TECPR2: variants seen among roughly 807,000 people sequenced by gnomAD.
TECPR2 encodes tectonin beta-propeller repeat-containing protein 2.
A neutral mutation model predicts 138.1 loss-of-function variants in TECPR2; 65 were observed. The observed-to-expected ratio is 0.47, with a 90% CI of 0.39 to 0.58. The LOEUF is 0.58. Among genes scored for constraint, TECPR2 ranks in the 20% least tolerant of loss-of-function variants. The pLI is 0.00. For synonymous variants in TECPR2, 746 were observed against 749.8 expected, an observed-to-expected ratio of 0.99 and a Z score of 0.08; for missense variants, 1,553 against 1,824.5, an observed-to-expected ratio of 0.85 and a Z score of 2.71.
At chr14:102,492,663 C>G (rs1489256969) in intron 17 of TECPR2, among the ~76,000 whole-genome samples, 1 of 152,156 alleles carries the variant, frequency 6.6e-6, no homozygotes, top group East Asian at 1.9e-4. Flanking sequence ...GCAGGGAGCT[C>G]CCAGGCAGCA....
intron 14 of TECPR2, 105 bp from the exon 15 acceptor site, chr14:102,450,455 C>T: frequency 1.9e-6 from 2 of 1,059,356 alleles, no homozygotes; most frequent in Non-Finnish European, 2.8e-6. Flanking sequence ...CTAGAATTAT[C>T]TGGAGAAAGG....
intron 5 of TECPR2, among the ~76,000 whole-genome samples, chr14:102,418,969 C>T (rs546614903): frequency 6.6e-6 from 1 of 152,036 alleles, no homozygotes; most frequent in Non-Finnish European, 1.5e-5. Flanking sequence ...GGAGATGGAA[C>T]AGCCTGCTGT....
At chr14:102,479,331 T>A (rs1052499196) in intron 17 of TECPR2, among the ~76,000 whole-genome samples, 2 of 152,168 alleles carry the variant, frequency 1.3e-5, no homozygotes, top group African/African-American at 2.4e-5. Context: ...CTGAGGACTG[T>A]GAGACATTAG....
At chr14:102,365,406 A>G (rs537909721) in intron 1 of TECPR2, among the ~76,000 whole-genome samples, 2 of 152,294 alleles carry the variant, frequency 1.3e-5, no homozygotes, top group East Asian at 3.9e-4. Flanking sequence ...ATGTGGGGGA[A>G]TAGGGAAGAG....
At chr14:102,374,071 CAAAAAAA>C (rs953998203) in intron 1 of TECPR2, among the ~76,000 whole-genome samples, 4 of 56,078 alleles carry the variant, frequency 7.1e-5, no homozygotes, top group Admixed American at 1.9e-4. Flanking sequence ...GATTCTGTCT[CAAAAAAA>C]AAAAAAAAAA....
intron 5 of TECPR2, among the ~76,000 whole-genome samples, chr14:102,423,703 G>C (rs1889243256): frequency 1.3e-5 from 2 of 152,088 alleles, no homozygotes; most frequent in Non-Finnish European, 2.9e-5. Flanking sequence ...AAACATCCCT[G>C]TCACTAAGTG....
intron 13 of TECPR2, among the ~76,000 whole-genome samples, chr14:102,447,011 A>G (rs1463580833): frequency 2.6e-5 from 4 of 152,178 alleles, no homozygotes; most frequent in Non-Finnish European, 5.9e-5. Flanking sequence ...CTCTAAGTAG[A>G]TGGTATTTCA....
intron 1 of TECPR2, among the ~76,000 whole-genome samples, chr14:102,366,409 C>T (rs1277623944): frequency 3.3e-5 from 5 of 152,094 alleles, no homozygotes; most frequent in Middle Eastern, 3.2e-3. Context: ...TGCAGTGGCA[C>T]GATCTTGGTT....
intron 9 of TECPR2, chr14:102,436,908 G>C: frequency 1.2e-6 from 1 of 821,734 alleles, no homozygotes; most frequent in Non-Finnish European, 1.5e-6. Flanking sequence ...GCAGACTGTC[G>C]GTGGGGTGGG....
chr14:102,466,642 C>A lies in TECPR2; in HGVS notation c.3789+1353C>A, dbSNP rs566402195. On this transcript the variant is annotated intron_variant, in intron 17 of 19. Coordinates refer to ENST00000359520, the MANE Select transcript of TECPR2 (RefSeq NM_014844.5). ...ACGTTCCTTTTTTTCCTTCTAACAA[C>A]TTTATATTTTTCCTTTTAAGTTACA... Among the ~76,000 whole-genome samples the A allele has an allele frequency of 5.3e-5, 8 of 152,276 alleles. No homozygotes were observed. The South Asian group carries it at 1.7e-3, about 32-fold the overall frequency.
intron 1 of TECPR2, among the ~76,000 whole-genome samples, chr14:102,374,925 G>C (rs564494873): frequency 7.9e-5 from 12 of 152,356 alleles, no homozygotes; most frequent in Admixed American, 4.6e-4. Context: ...GGGGGGAAGA[G>C]GGGTGAGTGA....
At chr14:102,440,982 G>T (rs1156445646) in intron 11 of TECPR2, among the ~76,000 whole-genome samples, 1 of 152,034 alleles carries the variant, frequency 6.6e-6, no homozygotes, top group Non-Finnish European at 1.5e-5. Context: ...AAGTTTAAGT[G>T]GCTGCATTTT....
At chr14:102,470,938 C>T (rs1890642565) in intron 17 of TECPR2, among the ~76,000 whole-genome samples, 1 of 152,004 alleles carries the variant, frequency 6.6e-6, no homozygotes, top group South Asian at 2.1e-4. Context: ...CCTGCCTCAG[C>T]CTCACGAGTA....
chr14:102,388,965 A>G (rs1342396789), intron 2 of TECPR2, among the ~76,000 whole-genome samples: 3 of 148,896 alleles, frequency 2.0e-5, no homozygotes, highest in Admixed American at 6.7e-5. Flanking sequence ...CGTCTCAAAA[A>G]AAAAAAAAAA....
chr14:102,410,226 G>C (rs955767703), intron 4 of TECPR2, among the ~76,000 whole-genome samples: 2 of 152,114 alleles, frequency 1.3e-5, no homozygotes, highest in African/African-American at 4.8e-5. Flanking sequence ...AGAGTGAGTG[G>C]CATTGATTTA....
At chr14:102,492,822 C>T (rs1445102809) in intron 17 of TECPR2, among the ~76,000 whole-genome samples, 1 of 152,274 alleles carries the variant, frequency 6.6e-6, no homozygotes. Context: ...CCCGCTTGCT[C>T]TTCCCACCAT....
chr14:102,389,148 T>C (rs1888100174), intron 2 of TECPR2, among the ~76,000 whole-genome samples: 1 of 144,078 alleles, frequency 6.9e-6, no homozygotes, highest in African/African-American at 2.6e-5. Flanking sequence ...TAAAAATAAA[T>C]AAATAAATAA....
rs1889139482 is a variant in TECPR2, at chr14:102,420,137, A to G, written c.639-4842A>G. On this transcript the variant is annotated intron_variant, in intron 5 of 19. Transcript: ENST00000359520. This position sits in a 1 kb window ranked among gnomAD's most constrained non-coding sequence, Gnocchi z 4.1. ...GCACAAAATCATAAAACACCATTTT[A>G]TAGCTAGAATTTGTTAGCCAGAACA... 6.6e-6 allele frequency among the ~76,000 whole-genome samples: 1 copy of G among 152,226 alleles called. No homozygotes were observed. Among genetic ancestry groups the G allele is most frequent in the African/African-American group, 2.4e-5 (1 of 41,448 alleles).
At chr14:102,432,305 A>ACACG (rs1026026103) in intron 8 of TECPR2, among the ~76,000 whole-genome samples, 177 bp downstream of exon 8, 12 of 149,744 alleles carry the variant, frequency 8.0e-5, no homozygotes, top group African/African-American at 2.4e-4. Context: ...AAATACACAC[A>ACACG]CACACACACA....
Sources: gnomAD v4.1 joint callset for allele counts (sites outside exome capture counted in the v4.1 genomes callset) on GRCh38, gnomAD v4.1.1 for gene constraint, Gnocchi (gnomAD v3.1) non-coding constraint, MANE v1.5 for transcripts, NCBI Gene and HGNC (gene_info 2026-07-23, HGNC 2026-07-21) for gene names.